Variants in TANC2 observed in about 807,000 individuals in gnomAD.
TANC2 encodes the protein tetratricopeptide repeat, ankyrin repeat and coiled-coil containing 2.
Under a neutral mutation model 210.5 loss-of-function variants are expected in TANC2, and 26 were observed. The ratio of observed to expected loss-of-function variants is 0.12; its 90% CI spans 0.09 to 0.17. TANC2 has a LOEUF of 0.17. Among genes scored for constraint, TANC2 ranks in the 10% least tolerant of loss-of-function variants. TANC2 has a pLI of 1.00. For missense variants in TANC2, 2,129 were observed against 2,608.9 expected, an observed-to-expected ratio of 0.82 and a Z score of 4.01; for synonymous variants, 931 against 967.1, an observed-to-expected ratio of 0.96 and a Z score of 0.69.
At chr17:63,238,115 A>G in intron 8 of TANC2, 38 bp downstream of exon 8, 6 of 1,499,382 alleles carry the variant, frequency 4.0e-6, no homozygotes, top group Non-Finnish European at 5.3e-6. Context: ...TGCTGTTGTT[A>G]AATAATCATT....
intron 1 of TANC2, among the ~76,000 whole-genome samples, chr17:63,002,127 A>G (rs914215233): frequency 3.3e-5 from 5 of 152,198 alleles, no homozygotes; most frequent in Non-Finnish European, 5.9e-5. Context: ...GTTTTGGAGC[A>G]TAAATCATAC....
At chr17:63,045,326 G>C (rs1452203040) in intron 2 of TANC2, among the ~76,000 whole-genome samples, 1 of 152,138 alleles carries the variant, frequency 6.6e-6, no homozygotes, top group Non-Finnish European at 1.5e-5. Flanking sequence ...TTTATAACAG[G>C]TATCTTCTGT....
At chr17:63,239,240 G>C (rs1335859310) in intron 8 of TANC2, among the ~76,000 whole-genome samples, 1 of 151,854 alleles carries the variant, frequency 6.6e-6, no homozygotes, top group African/African-American at 2.4e-5. Context: ...CCTCAAAATT[G>C]ATGTCAAGGG....
chr17:62,995,334 A>T (rs1334923712), intron 1 of TANC2, among the ~76,000 whole-genome samples: 4 of 152,232 alleles, frequency 2.6e-5, no homozygotes, highest in Non-Finnish European at 5.9e-5. Flanking sequence ...AAGGATCCAG[A>T]ATCGGGTGGA....
chr17:63,056,008 T>A (rs1321705016), intron 2 of TANC2, among the ~76,000 whole-genome samples: 2 of 83,724 alleles, frequency 2.4e-5, no homozygotes, highest in African/African-American at 4.3e-5. Flanking sequence ...TATATATATA[T>A]ATATATATAT....
intron 3 of TANC2, among the ~76,000 whole-genome samples, chr17:63,092,168 T>G (rs1035725588): frequency 6.6e-6 from 1 of 152,160 alleles, no homozygotes. Flanking sequence ...ACTTTTCAGT[T>G]TGTGGAGAGT....
intron 1 of TANC2, among the ~76,000 whole-genome samples, chr17:62,990,487 G>T (rs2032804145): frequency 6.6e-6 from 1 of 151,650 alleles, no homozygotes; most frequent in Admixed American, 6.6e-5. Flanking sequence ...CTCTCCCTAT[G>T]TTGCCCAGGC....
chr17:63,357,809 T>C (rs189133052), intron 14 of TANC2, among the ~76,000 whole-genome samples: 13 of 152,384 alleles, frequency 8.5e-5, no homozygotes, highest in Admixed American at 4.6e-4. Context: ...AGCAGGACTC[T>C]CTCCAGGCAT....
rs1471676182 is a variant in TANC2 at position 63,211,397 on chromosome 17, C to T, written c.769+10440C>T. ...TTTTGCCTTGGATTTATTGTTCTAG[C>T]GGCAATAGTTTTTTTTTCATTTCTG... On this transcript the variant is annotated intron_variant, in intron 7 of 27. Coordinates refer to ENST00000689528, the Ensembl canonical transcript of TANC2. 2.6e-5 allele frequency among the ~76,000 whole-genome samples: 4 copies of T among 152,064 alleles called. No individual in the cohort carries two copies. In the East Asian group the frequency reaches 5.8e-4, roughly 22 times the overall value.
chr17:63,183,760 G>A (rs1265808172), intron 5 of TANC2, among the ~76,000 whole-genome samples: 1 of 152,224 alleles, frequency 6.6e-6, no homozygotes, highest in Non-Finnish European at 1.5e-5. Context: ...GCTCACGCCT[G>A]TAATCCCAGC....
chr17:63,172,078 A>G (rs570098033), intron 5 of TANC2, among the ~76,000 whole-genome samples: 11 of 152,140 alleles, frequency 7.2e-5, no homozygotes, highest in Non-Finnish European at 1.6e-4. Context: ...CTCGTCCCTA[A>G]CCAAGTAACA....
At position 63,421,960 on chromosome 17, in the gene TANC2, C is replaced by T. The variant is rs753599443; in HGVS notation, c.*5C>T. 4 of 1,592,120 alleles carry T rather than the reference C, an allele frequency of 2.5e-6. No individual in the cohort carries two copies. The highest frequency in any genetic ancestry group is 2.3e-5 in the South Asian group (2 of 87,242). ...TTCGTGGAGTCTAATGTTTAAAAGA[C>T]GTTTTGTTGGAGTGAGACCCATATG... On this transcript the variant is annotated 3_prime_UTR_variant, in exon 28 of 28. Transcript: ENST00000689528. This position sits in a 1 kb window ranked among gnomAD's most constrained non-coding sequence, Gnocchi z 6.9.
At chr17:63,049,515 A>G (rs555603414) in intron 2 of TANC2, among the ~76,000 whole-genome samples, 28 of 152,212 alleles carry the variant, frequency 1.8e-4, no homozygotes, top group South Asian at 1.2e-3. Context: ...ATATGAGTAT[A>G]TTCTTAGAGT....
intron 10 of TANC2, among the ~76,000 whole-genome samples, chr17:63,318,037 C>T (rs1362980052): frequency 5.3e-5 from 8 of 152,172 alleles, no homozygotes; most frequent in Admixed American, 5.2e-4. Context: ...TGCCCACCCC[C>T]CTGCAGTTAT....
intron 9 of TANC2, among the ~76,000 whole-genome samples, chr17:63,284,108 ATC>A (rs2044148204): frequency 2.6e-5 from 4 of 152,008 alleles, no homozygotes; most frequent in Non-Finnish European, 5.9e-5. Flanking sequence ...GATGTTCCAT[ATC>A]AGATTAAGGA....
intron 8 of TANC2, among the ~76,000 whole-genome samples, chr17:63,244,170 G>A (rs1193132940): frequency 1.3e-5 from 2 of 152,140 alleles, no homozygotes; most frequent in Non-Finnish European, 2.9e-5. Context: ...TTCATAGTAA[G>A]CAGGCGGGTC....
intron 11 of TANC2, among the ~76,000 whole-genome samples, chr17:63,325,241 A>G (rs919286464): frequency 6.6e-6 from 1 of 152,200 alleles, no homozygotes; most frequent in African/African-American, 2.4e-5. Flanking sequence ...AACCACTGCC[A>G]GTGGAAAACC....
chr17:63,178,728 A>G (rs2040677595), intron 5 of TANC2, among the ~76,000 whole-genome samples: 1 of 152,236 alleles, frequency 6.6e-6, no homozygotes, highest in South Asian at 2.1e-4. Flanking sequence ...TTTATAATCA[A>G]CAAATCAGAA....
chr17:63,022,837 C>G (rs1313156379), intron 2 of TANC2, among the ~76,000 whole-genome samples: 1 of 152,148 alleles, frequency 6.6e-6, no homozygotes, highest in Non-Finnish European at 1.5e-5. Context: ...CCAGGTGCAG[C>G]TTGACTCACC....
Sources: allele counts gnomAD v4.1 joint callset (sites outside exome capture counted in the v4.1 genomes callset), GRCh38; gene constraint gnomAD v4.1.1; non-coding constraint Gnocchi (gnomAD v3.1); transcripts MANE v1.5; gene names NCBI Gene and HGNC (gene_info 2026-07-23, HGNC 2026-07-21).